SYT16: variants seen among roughly 807,000 people sequenced by gnomAD.
SYT16 encodes the protein synaptotagmin-16.
SYT16 carries 42 observed loss-of-function variants against 61.4 expected under a neutral mutation model. The ratio of observed to expected loss-of-function variants is 0.68; its 90% CI spans 0.53 to 0.89. SYT16 has a LOEUF of 0.89. SYT16 is among the 40% of genes least tolerant of loss of function. SYT16 has a pLI of 0.00. For missense variants in SYT16, 804 were observed against 807.3 expected (o/e 1.00, Z 0.05); for synonymous variants, 314 against 302.3 (o/e 1.04, Z -0.40).
intron 3 of SYT16, among the ~76,000 whole-genome samples, chr14:62,040,263 T>A (rs540316674): frequency 6.6e-6 from 1 of 152,220 alleles, no homozygotes; most frequent in East Asian, 1.9e-4. Flanking sequence ...CTCATGAAGA[T>A]ATGGAGAGGG....
chr14:61,831,765 C>A, intron 1 of SYT16: 1 of 183,048 alleles, frequency 5.5e-6, no homozygotes, highest in Non-Finnish European at 1.1e-5. Flanking sequence ...CATTTATTAG[C>A]AGTGGTACTG....
intron 1 of SYT16, chr14:61,865,365 A>G (rs1466207406): frequency 1.5e-5 from 10 of 647,686 alleles, no homozygotes; most frequent in Admixed American, 1.2e-4. Context: ...AACAGGGCAC[A>G]CAAGAAGGGG....
At chr14:61,895,783 G>A (rs568403611) in intron 1 of SYT16, among the ~76,000 whole-genome samples, 14 of 152,076 alleles carry the variant, frequency 9.2e-5, no homozygotes, top group Admixed American at 5.9e-4. Context: ...TTGGATTTTT[G>A]AGTCTTTATT....
chr14:62,011,926 C>CACATATATATATATATATATAT (rs1555370087), intron 3 of SYT16, among the ~76,000 whole-genome samples: 2 of 132,770 alleles, frequency 1.5e-5, no homozygotes, highest in African/African-American at 3.4e-5. Context: ...CACACACACA[C>CACATATATATATATATATATAT]ATATATATAT....
At position 62,042,288 on chromosome 14, in the gene SYT16, C is replaced by T. The variant is rs969762791; in HGVS notation, c.524-27315C>T. The stretch of plus-strand genomic sequence containing the variant: ...AAAGTGCTAGGATTATAGGTGTGAG[C>T]CACCACGCCCAGCCCAAACATTTTT... On this transcript the variant is annotated intron_variant, in intron 3 of 7. Transcript: ENST00000683842. Among the ~76,000 whole-genome samples, 5 of 152,194 alleles carry T rather than the reference C, an allele frequency of 3.3e-5. No individual in the cohort carries two copies. The South Asian group carries it at 8.3e-4, about 25-fold the overall frequency.
intron 3 of SYT16, among the ~76,000 whole-genome samples, chr14:62,052,287 T>C (rs28533803): frequency 0.052 from 7,948 of 152,298 alleles, 541 homozygotes; most frequent in East Asian, 0.17. Flanking sequence ...ATTTTTCAGT[T>C]GTAAATATTT....
chr14:61,861,439 G>A (rs113907336), intron 1 of SYT16, among the ~76,000 whole-genome samples: 1 of 152,174 alleles, frequency 6.6e-6, no homozygotes, highest in Non-Finnish European at 1.5e-5. Flanking sequence ...TCGAGACAGG[G>A]TCTCCCTCTG....
At chr14:61,817,030 A>C (rs546250196) in intron 1 of SYT16, among the ~76,000 whole-genome samples, 26 of 148,750 alleles carry the variant, frequency 1.7e-4, no homozygotes, top group Non-Finnish European at 2.5e-4. Flanking sequence ...CACACACACA[A>C]AAAAAGCATT....
At chr14:61,863,142 G>A (rs997603009) in intron 1 of SYT16, among the ~76,000 whole-genome samples, 3 of 152,188 alleles carry the variant, frequency 2.0e-5, no homozygotes, top group Admixed American at 6.5e-5. Flanking sequence ...ATCCTAAGGA[G>A]AATGACTGCT....
rs2057404982 is a variant in SYT16 at position 62,100,936 on chromosome 14, C to T, written c.*229C>T. 1 of 492,990 alleles carries T rather than the reference C, an allele frequency of 2.0e-6. No homozygotes were observed. The highest frequency in any genetic ancestry group is 3.5e-5 in the East Asian group (1 of 28,878). 30.5% of individuals were successfully genotyped at this position (492,990 alleles called of 1,614,324 possible). A position where few individuals can be genotyped will look rare whatever the true frequency, so the allele number is the denominator to read the frequency against. ...AAGTGTCCGTATGGAAAATATTATA[C>T]CACAATTAAGACCACTGATGAGTTA... On this transcript the variant is annotated 3_prime_UTR_variant, in exon 8 of 8. Coordinates refer to ENST00000683842, the MANE Select transcript of SYT16 (RefSeq NM_001367656.1).
intron 1 of SYT16, among the ~76,000 whole-genome samples, chr14:61,945,855 C>CA (rs60917584): frequency 0.012 from 748 of 64,440 alleles, 91 homozygotes; most frequent in African/African-American, 0.025. Context: ...GACTCCGTCT[C>CA]AAAAAAAAAA....
intron 2 of SYT16, among the ~76,000 whole-genome samples, chr14:61,993,008 G>A (rs929000822): frequency 4.8e-5 from 7 of 146,742 alleles, no homozygotes; most frequent in Non-Finnish European, 1.1e-4. Flanking sequence ...GTCAATTTTT[G>A]TAAAAAATGA....
intron 3 of SYT16, among the ~76,000 whole-genome samples, chr14:62,002,044 A>G (rs780165344): frequency 1.3e-5 from 2 of 152,042 alleles, no homozygotes; most frequent in Non-Finnish European, 2.9e-5. Flanking sequence ...GATAGTTCCA[A>G]TATCTGAGTC....
Position 62,106,272 on chromosome 14 carries a change from A to T in SYT16, c.*5565A>T, listed in dbSNP as rs995605372. 9 of 152,182 alleles carry T rather than the reference A, an allele frequency of 5.9e-5. No homozygotes were observed. Among genetic ancestry groups the T allele is most frequent in the Non-Finnish European group, 1.2e-4 (8 of 68,030 alleles). 9.4% of individuals were successfully genotyped at this position (152,182 alleles called of 1,614,324 possible). ...GATGCTTACCAATATACAACTGTTA[A>T]GTTAGTCTAACTATGTGCCATAAAC... On this transcript the variant is annotated 3_prime_UTR_variant, in exon 8 of 8. Transcript: ENST00000683842.
intron 4 of SYT16, among the ~76,000 whole-genome samples, chr14:62,071,336 G>A (rs967854625): frequency 6.6e-6 from 1 of 152,180 alleles, no homozygotes; most frequent in Non-Finnish European, 1.5e-5. Flanking sequence ...CAAGTGTCTG[G>A]CTTCTGATTT....
intron 1 of SYT16, among the ~76,000 whole-genome samples, chr14:61,850,896 C>G: frequency 6.6e-6 from 1 of 152,158 alleles, no homozygotes; most frequent in South Asian, 2.1e-4. Context: ...ATTATTTTTT[C>G]TTAAACTTTT....
chr14:61,863,403 C>G (rs142068475), intron 1 of SYT16, among the ~76,000 whole-genome samples: 2 of 152,134 alleles, frequency 1.3e-5, no homozygotes, highest in Non-Finnish European at 2.9e-5. Context: ...TTGCCATCTG[C>G]GCATCTTCTT....
chr14:61,863,013 A>G (rs967978871), intron 1 of SYT16, among the ~76,000 whole-genome samples: 42 of 152,214 alleles, frequency 2.8e-4, no homozygotes, highest in African/African-American at 9.9e-4. Context: ...TTGTTTATCC[A>G]TTTACCTATT....
intron 7 of SYT16, among the ~76,000 whole-genome samples, chr14:62,091,157 G>C (rs2057059017): frequency 6.6e-6 from 1 of 152,170 alleles, no homozygotes; most frequent in Non-Finnish European, 1.5e-5. Context: ...ATCACAGTAA[G>C]ACTGAGGACA....
Sources: allele counts gnomAD v4.1 joint callset (sites outside exome capture counted in the v4.1 genomes callset), GRCh38; gene constraint gnomAD v4.1.1; transcripts MANE v1.5; gene names NCBI Gene and HGNC (gene_info 2026-07-23, HGNC 2026-07-21).